The following PRKN variants were observed in gnomAD, a reference collection of about 807,000 sequenced individuals.
PRKN encodes E3 ubiquitin-protein ligase parkin.
Under a neutral mutation model 59.5 loss-of-function variants are expected in PRKN, and 56 were observed. That is an observed-to-expected ratio of 0.94 (90% CI 0.76 to 1.18). The LOEUF (loss-of-function observed/expected upper bound fraction) is 1.18, where lower values mean the gene tolerates loss of function less well. PRKN is among the 50% of genes most tolerant of loss of function. The pLI is 0.00. For missense variants in PRKN, 657 were observed against 596.4 expected, an observed-to-expected ratio of 1.10 and a Z score of -1.06; for synonymous variants, 250 against 222.1, an observed-to-expected ratio of 1.13 and a Z score of -1.12.
intron 6 of PRKN, among the ~76,000 whole-genome samples, chr6:161,804,469 C>T (rs1012145751): frequency 5.3e-5 from 8 of 152,204 alleles, no homozygotes; most frequent in Admixed American, 4.6e-4. Context: ...CATCTGAAAT[C>T]TGCCTCTGCC....
intron 1 of PRKN, among the ~76,000 whole-genome samples, chr6:162,447,074 A>C (rs1790350367): frequency 6.6e-6 from 1 of 152,196 alleles, no homozygotes; most frequent in Non-Finnish European, 1.5e-5. Context: ...GTTACACAAG[A>C]TTTATTGAGA....
chr6:161,961,786 A>C (rs1262211634), intron 6 of PRKN, among the ~76,000 whole-genome samples: 1 of 151,892 alleles, frequency 6.6e-6, no homozygotes, highest in Non-Finnish European at 1.5e-5. Context: ...TGAACAGACT[A>C]ATCTCCTTTT....
At chr6:161,694,422 GT>G (rs1198682295) in intron 7 of PRKN, among the ~76,000 whole-genome samples, 6 of 151,266 alleles carry the variant, frequency 4.0e-5, no homozygotes, top group African/African-American at 9.7e-5. Flanking sequence ...ACCCTTTGGG[GT>G]TTTTTTTTAA....
At chr6:161,571,898 C>G (rs532725239) in intron 7 of PRKN, among the ~76,000 whole-genome samples, 1 of 152,264 alleles carries the variant, frequency 6.6e-6, no homozygotes, top group Admixed American at 6.5e-5. Context: ...TCTTTCTCTT[C>G]TAGAGCCTTA....
chr6:161,503,097 A>G lies in PRKN; in HGVS notation c.1083+45757T>C, dbSNP rs867749034. On this transcript the variant is annotated intron_variant, in intron 9 of 11. Transcript: ENST00000366898. The surrounding 1 kb of genome is among the most constrained non-coding windows in gnomAD (Gnocchi z 5.1). ...GAATGGTTCTAGTGACTTTCAGGGT[A>G]TGTCTTCTGGCCCAAGGCTAACAGC... Among the ~76,000 whole-genome samples, 6 of 152,102 alleles carry G rather than the reference A, an allele frequency of 3.9e-5. No individual in the cohort carries two copies. In the South Asian group the frequency reaches 1.0e-3, roughly 26 times the overall value.
intron 1 of PRKN, among the ~76,000 whole-genome samples, chr6:162,536,706 G>C (rs1342789934): frequency 6.6e-6 from 1 of 152,032 alleles, no homozygotes; most frequent in African/African-American, 2.4e-5. Flanking sequence ...AAAAGCTCAA[G>C]CTCAGCTTGG....
Position 161,405,519 on chromosome 6 carries a change from A to T in PRKN, c.1084-18642T>A, listed in dbSNP as rs756591080. Among the ~76,000 whole-genome samples, 1 of 152,022 alleles carries T rather than the reference A, an allele frequency of 6.6e-6. No homozygotes were observed. The highest frequency in any genetic ancestry group is 1.5e-5 in the Non-Finnish European group (1 of 68,014). On this transcript the variant is annotated intron_variant, in intron 9 of 11. Transcript: ENST00000366898. This position sits in a 1 kb window ranked among gnomAD's most constrained non-coding sequence, Gnocchi z 5.1. ...CTTGAACCCAAGATGTGCAGGTTGT[A>T]GTGACCCAAGATCGTGCCATTGCAC...
At position 162,046,003 on chromosome 6, in the gene PRKN, T is replaced by C. The variant is rs188129335; in HGVS notation, c.618+8088A>G. Among the ~76,000 whole-genome samples the C allele has an allele frequency of 2.2e-3, 334 of 152,370 alleles. 2 individuals are homozygous for C. Among genetic ancestry groups the C allele is most frequent in the Non-Finnish European group, 2.8e-3 (188 of 68,028 alleles). The stretch of plus-strand genomic sequence containing the variant: ...TTGCTCTAGTTCTCAGAATCTCATT[T>C]ATAAATCTATTTGAAATTATCTTTT... On this transcript the variant is annotated intron_variant, in intron 5 of 11. Coordinates refer to ENST00000366898, the MANE Select transcript of PRKN (RefSeq NM_004562.3).
At chr6:162,671,257 T>C (rs532253211) in intron 1 of PRKN, among the ~76,000 whole-genome samples, 84 of 152,136 alleles carry the variant, frequency 5.5e-4, no homozygotes, top group African/African-American at 2.0e-3. Context: ...TCCCAGCACT[T>C]TGGGAGGCCG....
chr6:161,944,385 G>A (rs1424823864), intron 6 of PRKN, among the ~76,000 whole-genome samples: 2 of 152,178 alleles, frequency 1.3e-5, no homozygotes, highest in African/African-American at 4.8e-5. Context: ...TTCCCTGCAA[G>A]GCCCGGCACA....
chr6:162,120,317 T>C (rs771927100), intron 4 of PRKN, among the ~76,000 whole-genome samples: 8 of 152,236 alleles, frequency 5.3e-5, no homozygotes, highest in Non-Finnish European at 1.2e-4. Context: ...TTATTTTTTA[T>C]AAAAAGTATC....
rs1312718879 is a variant in PRKN at position 161,554,734 on chromosome 6, G to GTA, written c.934-5733_934-5732dup. On this transcript the variant is annotated intron_variant, in intron 8 of 11. Coordinates refer to ENST00000366898, the MANE Select transcript of PRKN (RefSeq NM_004562.3). The surrounding 1 kb of genome is among the most constrained non-coding windows in gnomAD (Gnocchi z 4.5). ...GGATTGTGTGTGTGTGTGTGTGTGT[G>GTA]TATATATATATATATATATACATAC... is the stretch of plus-strand genomic sequence containing the variant. Among the ~76,000 whole-genome samples the GTA allele has an allele frequency of 0.33, 46,091 of 140,412 alleles. 7,447 individuals carry two copies. Among genetic ancestry groups the GTA allele is most frequent in the Admixed American group, 0.41 (5,702 of 13,938 alleles). The allele number at this position is 140,412 out of a possible 152,430, so 92.1% of individuals were successfully genotyped here.
At chr6:162,551,834 A>T (rs936084532) in intron 1 of PRKN, among the ~76,000 whole-genome samples, 4 of 152,238 alleles carry the variant, frequency 2.6e-5, no homozygotes, top group African/African-American at 9.6e-5. Context: ...TTCATTCATT[A>T]ACAATTATTA....
chr6:161,811,243 A>G (rs767605001), intron 6 of PRKN, among the ~76,000 whole-genome samples: 1 of 152,196 alleles, frequency 6.6e-6, no homozygotes, highest in African/African-American at 2.4e-5. Context: ...ATTGTCAGAA[A>G]GAAAGTTTTC....
At chr6:162,387,233 G>GC (rs1786876649) in intron 2 of PRKN, among the ~76,000 whole-genome samples, 1 of 34,544 alleles carries the variant, frequency 2.9e-5, no homozygotes, top group African/African-American at 1.1e-4. Flanking sequence ...GAAAAAATAA[G>GC]CAAAAAAAAA....
chr6:162,158,054 T>C (rs942903508), intron 4 of PRKN, among the ~76,000 whole-genome samples: 26 of 152,044 alleles, frequency 1.7e-4, no homozygotes, highest in African/African-American at 6.0e-4. Flanking sequence ...AGGTAACTCA[T>C]GAAATAGAGT....
intron 1 of PRKN, among the ~76,000 whole-genome samples, chr6:162,633,224 A>C (rs1416464873): frequency 6.6e-6 from 1 of 151,802 alleles, no homozygotes; most frequent in Non-Finnish European, 1.5e-5. Flanking sequence ...ACTTGAGGTA[A>C]GGAGTTCGAG....
At chr6:161,441,646 TAAA>T (rs549048343) in intron 9 of PRKN, among the ~76,000 whole-genome samples, 1,778 of 97,492 alleles carry the variant, frequency 0.018, 59 homozygotes, top group African/African-American at 0.067. Context: ...CTCTGTCTCT[TAAA>T]AAAAAAAAAA....
At chr6:161,358,986 G>A (rs1177558582) in intron 11 of PRKN, among the ~76,000 whole-genome samples, 1 of 151,708 alleles carries the variant, frequency 6.6e-6, no homozygotes, top group Non-Finnish European at 1.5e-5. Flanking sequence ...AGTAGAGACG[G>A]GGTTTCACTG....
Sources: allele counts gnomAD v4.1 joint callset (sites outside exome capture counted in the v4.1 genomes callset), GRCh38; gene constraint gnomAD v4.1.1; non-coding constraint Gnocchi (gnomAD v3.1); transcripts MANE v1.5; gene names NCBI Gene and HGNC (gene_info 2026-07-23, HGNC 2026-07-21).